ZMYM2: variants seen among roughly 807,000 people sequenced by gnomAD.
The protein encoded by ZMYM2 is zinc finger MYM-type containing 2, also known as zinc finger MYM-type protein 2.
ZMYM2 carries 56 observed loss-of-function variants against 162.8 expected under a neutral mutation model. The observed-to-expected ratio is 0.34, with a 90% CI of 0.28 to 0.43. The LOEUF is 0.43. Ranked by LOEUF, ZMYM2 falls within the 20% of genes least tolerant of loss-of-function variation. The pLI is 1.00. For synonymous variants in ZMYM2, 510 were observed against 541.6 expected (o/e 0.94, Z 0.81); for missense variants, 1,275 against 1,621.8 (o/e 0.79, Z 3.67).
the ZMYM2 span, among the ~76,000 whole-genome samples, chr13:19,898,116 A>ATG: frequency 2.6e-4 from 39 of 152,330 alleles, no homozygotes; most frequent in African/African-American, 9.4e-4. Context: ...GTCTTGCTAC[A>ATG]TTTTAAAAGA....
chr13:19,925,033 T>C, the ZMYM2 span, among the ~76,000 whole-genome samples: 1 of 152,056 alleles, frequency 6.6e-6, no homozygotes, highest in East Asian at 1.9e-4. Flanking sequence ...TACAGGCATG[T>C]GCCACCACAC....
chr13:20,052,246 G>T (rs1303583991), intron 13 of ZMYM2, 31 bp from the exon 14 acceptor site: 2 of 1,523,412 alleles, frequency 1.3e-6, no homozygotes, highest in South Asian at 2.5e-5. Context: ...AAGAGTATTT[G>T]TCTTATTTTA....
the ZMYM2 span, among the ~76,000 whole-genome samples, chr13:19,882,153 G>C: frequency 2.6e-4 from 40 of 152,156 alleles, no homozygotes; most frequent in African/African-American, 9.4e-4. Context: ...AGATACAAAA[G>C]CCGAGCAGTG....
intron 6 of ZMYM2, among the ~76,000 whole-genome samples, chr13:20,015,062 T>TA (rs1951511745): frequency 1.3e-5 from 2 of 152,238 alleles, no homozygotes; most frequent in African/African-American, 4.8e-5. Context: ...TGCCTGGACT[T>TA]ACTTTCTTTC....
chr13:20,063,599 C>G (rs259788), intron 18 of ZMYM2, among the ~76,000 whole-genome samples: 147,180 of 149,684 alleles, frequency 0.98, 72,407 homozygotes, highest in Middle Eastern at 1. Flanking sequence ...TGGCCAACGT[C>G]GTGAAACCCC....
intron 1 of ZMYM2, among the ~76,000 whole-genome samples, chr13:19,959,371 C>T (rs1954917742): frequency 6.6e-6 from 1 of 152,124 alleles, no homozygotes; most frequent in African/African-American, 2.4e-5. Flanking sequence ...GCCTCTGCTC[C>T]GCCGGGTCCC....
At chr13:19,919,115 G>A in the ZMYM2 span, among the ~76,000 whole-genome samples, 1 of 148,826 alleles carries the variant, frequency 6.7e-6, no homozygotes, top group South Asian at 2.1e-4. Context: ...AATACAGTCT[G>A]TAACCTTTTG....
chr13:20,004,443 G>A (rs999673149), intron 4 of ZMYM2, among the ~76,000 whole-genome samples: 3 of 152,070 alleles, frequency 2.0e-5, no homozygotes, highest in African/African-American at 7.2e-5. Context: ...TTTTAGTAGA[G>A]ACGGGGTTTC....
At chr13:19,935,210 C>T in the ZMYM2 span, among the ~76,000 whole-genome samples, 1 of 152,178 alleles carries the variant, frequency 6.6e-6, no homozygotes, top group African/African-American at 2.4e-5. Flanking sequence ...TTTTGGCTCA[C>T]TGCAATACCT....
At chr13:20,046,227 C>G (rs527967800) in intron 12 of ZMYM2, among the ~76,000 whole-genome samples, 36 of 151,932 alleles carry the variant, frequency 2.4e-4, no homozygotes, top group African/African-American at 8.2e-4. Flanking sequence ...GCCTGGGTGA[C>G]AGAGCAAGAC....
In ZMYM2 at chr13:20,082,087, G is replaced by C. The variant is rs1314306375; in HGVS notation, c.3525G>C (p.Leu1175Phe). 5 of 1,605,980 alleles carry C rather than the reference G, an allele frequency of 3.1e-6. No individual in the cohort carries two copies. The highest frequency in any genetic ancestry group is 3.4e-6 in the Non-Finnish European group (4 of 1,177,440). ...DPGYQTFEQE[L>F]NKILRSWQPS... is the part of the protein sequence containing the mutation. ...GATACCAAACATTTGAGCAAGAATT[G>C]AATAAAATACTGCGAAGCTGGCAAC... is the stretch of plus-strand genomic sequence containing the variant. Residue 1175 changes from leucine (L) to phenylalanine (F), a missense_variant, in exon 22 of 25, where the codon TTG (leucine) becomes TTC (phenylalanine). Leu to Phe is a conservative substitution (Grantham distance 22). Transcript: ENST00000610343.
At chr13:19,934,415 C>A in the ZMYM2 span, among the ~76,000 whole-genome samples, 2 of 152,126 alleles carry the variant, frequency 1.3e-5, no homozygotes, top group African/African-American at 4.8e-5. Flanking sequence ...ACCTCGGCCT[C>A]CCAAAGTGCT....
At chr13:20,016,512 G>A (rs536837234) in intron 6 of ZMYM2, among the ~76,000 whole-genome samples, 9 of 152,216 alleles carry the variant, frequency 5.9e-5, no homozygotes, top group Admixed American at 5.9e-4. Flanking sequence ...ACTCCTTTTA[G>A]CATTTGTTTT....
intron 6 of ZMYM2, among the ~76,000 whole-genome samples, chr13:20,012,842 C>T (rs568666149): frequency 1.3e-5 from 2 of 152,256 alleles, no homozygotes; most frequent in East Asian, 1.9e-4. Context: ...GTATGTGCTG[C>T]ACTATTTTGA....
rs571782663 is a variant in ZMYM2 at position 20,082,932 on chromosome 13, T to C, written c.3720T>C (p.Phe1240=). 35 of 1,614,014 alleles carry C rather than the reference T, an allele frequency of 2.2e-5. No homozygotes were observed. In the South Asian group the frequency reaches 3.2e-4, roughly 15 times the overall value. ...KTVEQHLRLS[F]GTVFRHWKKN... is the part of the protein sequence containing the mutation. ...TGGAACAACACTTAAGACTTTCCTTTGGCACTGTGTTTAGGCATTGGAAAA... is the reference window on the plus strand; with the variant it reads ...TGGAACAACACTTAAGACTTTCCTTCGGCACTGTGTTTAGGCATTGGAAAA... The change falls in exon 23 of 25, where the codon TTT becomes TTC. Residue 1240 remains phenylalanine, a synonymous_variant. Coordinates refer to ENST00000610343, the MANE Select transcript of ZMYM2 (RefSeq NM_197968.4).
the ZMYM2 span, among the ~76,000 whole-genome samples, chr13:19,878,267 G>T: frequency 6.6e-6 from 1 of 151,994 alleles, no homozygotes; most frequent in South Asian, 2.1e-4. Context: ...TGGCCAGGCT[G>T]GTCTCGAACT....
intron 2 of ZMYM2, chr13:19,965,325 TA>T: frequency 1.8e-6 from 2 of 1,110,948 alleles, no homozygotes; most frequent in African/African-American, 1.6e-5. Context: ...TACTTAACAT[TA>T]AAAAATGACT....
chr13:20,062,476 AAT>A (rs1430362553), intron 17 of ZMYM2, among the ~76,000 whole-genome samples: 2 of 152,192 alleles, frequency 1.3e-5, no homozygotes, highest in Non-Finnish European at 2.9e-5. Flanking sequence ...CCTGGGTCAA[AAT>A]TCAAAGAGTA....
Position 19,993,941 on chromosome 13 carries a change from A to G in ZMYM2, c.847+22A>G, listed in dbSNP as rs779958526. The G allele has an allele frequency of 1.8e-5, 29 of 1,577,606 alleles. No individual in the cohort carries two copies. In the East Asian group the frequency reaches 5.8e-4, roughly 32 times the overall value. On this transcript the variant is annotated intron_variant, in intron 3 of 24. Coordinates refer to ENST00000610343, the MANE Select transcript of ZMYM2 (RefSeq NM_197968.4). ...CCTGGTAAGCAGTAAGAGATACTCT[A>G]CTTCATGTAAATGAATTTAAACTTT...
Sources: gnomAD v4.1 joint callset for allele counts (sites outside exome capture counted in the v4.1 genomes callset) on GRCh38, gnomAD v4.1.1 for gene constraint, MANE v1.5 for transcripts, NCBI Gene and HGNC (gene_info 2026-07-23, HGNC 2026-07-21) for gene names.